The following NPAS2 variants were observed in gnomAD, a reference collection of about 807,000 sequenced individuals.
The protein encoded by NPAS2 is neuronal PAS domain protein 2.
In NPAS2, 23 loss-of-function variants were observed where a neutral mutation model predicts 107.5. The observed-to-expected ratio is 0.21, with a 90% CI of 0.15 to 0.30. NPAS2 has a LOEUF of 0.30. NPAS2 is among the 10% of genes least tolerant of loss of function. NPAS2 has a pLI of 1.00. For missense variants in NPAS2, 756 were observed against 1,043.3 expected, an observed-to-expected ratio of 0.72 and a Z score of 3.79; for synonymous variants, 403 against 417.5, an observed-to-expected ratio of 0.97 and a Z score of 0.42.
At chr2:100,885,562 G>A (rs891521114) in intron 1 of NPAS2, among the ~76,000 whole-genome samples, 17 of 152,154 alleles carry the variant, frequency 1.1e-4, no homozygotes, top group Admixed American at 2.6e-4. Context: ...CTTTATTTAG[G>A]TAAAGATATC....
intron 1 of NPAS2, among the ~76,000 whole-genome samples, chr2:100,828,653 G>A (rs1676536592): frequency 6.6e-6 from 1 of 151,332 alleles, no homozygotes; most frequent in African/African-American, 2.5e-5. Flanking sequence ...TGAAGAGAGA[G>A]TCCTTTCCCC....
intron 8 of NPAS2, 47 bp downstream of exon 8, chr2:100,964,223 C>G (rs1676081832): frequency 1.6e-6 from 2 of 1,220,082 alleles, no homozygotes; most frequent in Non-Finnish European, 2.4e-6. Context: ...TTATGATTGA[C>G]TCACATTTTG....
At chr2:100,861,653 A>T (rs1678947380) in intron 1 of NPAS2, among the ~76,000 whole-genome samples, 1 of 152,050 alleles carries the variant, frequency 6.6e-6, no homozygotes, top group Admixed American at 6.5e-5. Context: ...GAAGGGTGAG[A>T]TTTGACCACA....
At chr2:100,979,469 TTTAA>T (rs1203793879) in intron 15 of NPAS2, among the ~76,000 whole-genome samples, 39 of 144,276 alleles carry the variant, frequency 2.7e-4, no homozygotes, top group African/African-American at 9.9e-4. Context: ...GTGTACTATA[TTTAA>T]TAATAACTAT....
chr2:100,989,886 T>C (rs1190022913), intron 17 of NPAS2: 1 of 201,250 alleles, frequency 5.0e-6, no homozygotes, highest in Admixed American at 5.4e-5. Flanking sequence ...GCCATGTCAA[T>C]GTCAGGGGAA....
chr2:100,880,308 G>A (rs1393691068), intron 1 of NPAS2, among the ~76,000 whole-genome samples: 1 of 152,160 alleles, frequency 6.6e-6, no homozygotes, highest in Non-Finnish European at 1.5e-5. Context: ...TGTCCCTGCA[G>A]AAACTTATGT....
rs1301415720 is a variant in NPAS2 at position 100,823,381 on chromosome 2, G to A, written c.-23+2967G>A. The stretch of plus-strand genomic sequence containing the variant: ...ATTTCTTAGGTAAAGTTCCCCCAGA[G>A]ACCACTTGAACTTTTGCAAGTCTTA... On this transcript the variant is annotated intron_variant, in intron 1 of 20. Transcript: ENST00000335681. 2.0e-5 allele frequency among the ~76,000 whole-genome samples: 3 copies of A among 152,226 alleles called. No homozygotes were observed. The East Asian group carries it at 5.8e-4, about 29-fold the overall frequency.
At chr2:100,880,191 C>T (rs12476609) in intron 1 of NPAS2, among the ~76,000 whole-genome samples, 245 of 152,250 alleles carry the variant, frequency 1.6e-3, no homozygotes, top group Non-Finnish European at 3.0e-3. Flanking sequence ...CTGGTGCAGC[C>T]GCTGTGGAAA....
chr2:100,961,987 A>G (rs149412671), intron 7 of NPAS2, among the ~76,000 whole-genome samples: 139 of 152,244 alleles, frequency 9.1e-4, no homozygotes, highest in African/African-American at 2.9e-3. Context: ...AGTATTTCAC[A>G]TCTGGGAAGT....
chr2:100,851,531 TAG>T (rs1299418616), intron 1 of NPAS2, among the ~76,000 whole-genome samples: 1 of 152,202 alleles, frequency 6.6e-6, no homozygotes, highest in African/African-American at 2.4e-5. Context: ...TTGTTCATGT[TAG>T]CAAAAAGTTG....
At chr2:100,899,299 C>T (rs1681625371) in intron 1 of NPAS2, among the ~76,000 whole-genome samples, 1 of 151,032 alleles carries the variant, frequency 6.6e-6, no homozygotes, top group Admixed American at 6.6e-5. Context: ...TCACGGTGCA[C>T]TGCAACCTCT....
chr2:100,934,852 T>C lies in NPAS2; in HGVS notation c.273+1851T>C, dbSNP rs1017634098. 5 of 985,296 alleles carry C rather than the reference T, an allele frequency of 5.1e-6. No homozygotes were observed. In the African/African-American group the frequency reaches 8.7e-5, roughly 17 times the overall value. The allele number at this position is 985,296 out of a possible 1,614,324, so 61.0% of individuals were successfully genotyped here. On this transcript the variant is annotated intron_variant, in intron 4 of 20. Transcript: ENST00000335681. ...TCTCCAGCTGCCCATCTCTCTGTTT[T>C]TTTTCAGAGCCATTTCAGAGACTGT...
chr2:100,899,362 T>C (rs1192321674), intron 1 of NPAS2, among the ~76,000 whole-genome samples: 5 of 152,066 alleles, frequency 3.3e-5, no homozygotes, highest in Non-Finnish European at 7.4e-5. Context: ...TAGCTGGGAT[T>C]ACAGGTGTGT....
At chr2:100,975,080 T>C (rs1342022162) in intron 13 of NPAS2, 136 bp downstream of exon 13, 2 of 866,506 alleles carry the variant, frequency 2.3e-6, no homozygotes, top group Admixed American at 2.8e-5. Context: ...TTTATACTCC[T>C]CCTTTCCTTT....
At chr2:100,828,517 C>G (rs915691277) in intron 1 of NPAS2, among the ~76,000 whole-genome samples, 1 of 152,126 alleles carries the variant, frequency 6.6e-6, no homozygotes, top group African/African-American at 2.4e-5. Flanking sequence ...CTCTAGGATT[C>G]TTATGATTGA....
rs1245662268 is a variant in NPAS2, at chr2:100,968,488, G to C, written c.1055+60G>C. The C allele has an allele frequency of 3.2e-6, 5 of 1,562,174 alleles. No individual in the cohort carries two copies. The highest frequency in any genetic ancestry group is 4.4e-6 in the Non-Finnish European group (5 of 1,143,708). On this transcript the variant is annotated intron_variant, in intron 11 of 20. Transcript: ENST00000335681. The surrounding 1 kb of genome is among the most constrained non-coding windows in gnomAD (Gnocchi z 5.3). ...TGTCGCACCTGGGGGAGGGGTGCAG[G>C]ATGGCGTGGCCCCTGATGGCCAAGT...
At chr2:100,924,627 G>T (rs1683444716) in intron 2 of NPAS2, among the ~76,000 whole-genome samples, 1 of 152,236 alleles carries the variant, frequency 6.6e-6, no homozygotes, top group African/African-American at 2.4e-5. Context: ...AGCCCTGGCT[G>T]TTGTAGGCAG....
chr2:100,863,795 G>A, intron 1 of NPAS2, among the ~76,000 whole-genome samples: 1 of 152,104 alleles, frequency 6.6e-6, no homozygotes, highest in African/African-American at 2.4e-5. Flanking sequence ...GAGCTCTAAT[G>A]TATATATGTA....
chr2:100,974,760 C>T, intron 12 of NPAS2, 43 bp from the exon 13 acceptor site: 1 of 1,583,952 alleles, frequency 6.3e-7, no homozygotes, highest in Non-Finnish European at 8.6e-7. Flanking sequence ...TGATTCTTTC[C>T]TCTTGATGCT....
Sources: gnomAD v4.1 joint callset for allele counts (sites outside exome capture counted in the v4.1 genomes callset) on GRCh38, gnomAD v4.1.1 for gene constraint, Gnocchi (gnomAD v3.1) non-coding constraint, MANE v1.5 for transcripts, NCBI Gene and HGNC (gene_info 2026-07-23, HGNC 2026-07-21) for gene names.